PIBF1: variants seen among roughly 807,000 people sequenced by gnomAD.
PIBF1 encodes the protein progesterone-induced-blocking factor 1.
Under a neutral mutation model 112.5 loss-of-function variants are expected in PIBF1, and 90 were observed. The observed-to-expected ratio is 0.80, with a 90% CI of 0.67 to 0.95. PIBF1 has a LOEUF of 0.95. Among genes scored for constraint, PIBF1 ranks in the 40% least tolerant of loss-of-function variants. The pLI, the probability that PIBF1 is intolerant of heterozygous loss-of-function variation, is 0.00. For synonymous variants in PIBF1, 301 were observed against 288.6 expected, an observed-to-expected ratio of 1.04 and a Z score of -0.44; for missense variants, 915 against 852.3, an observed-to-expected ratio of 1.07 and a Z score of -0.92.
chr13:72,827,237 AATTTT>A, intron 7 of PIBF1, 119 bp downstream of exon 7: 2 of 384,442 alleles, frequency 5.2e-6, no homozygotes, highest in South Asian at 6.7e-5. Context: ...CAAAAAGATA[AATTTT>A]TTTTTTTTTT....
At chr13:72,827,238 ATTTTTTTTT>A (rs35211035) in intron 7 of PIBF1, 120 bp downstream of exon 7, 35 of 141,888 alleles carry the variant, frequency 2.5e-4, no homozygotes, top group Middle Eastern at 3.0e-3. Flanking sequence ...AAAAAGATAA[ATTTTTTTTT>A]TTTTTTTTTT....
At chr13:72,991,868 G>A (rs543145378) in intron 16 of PIBF1, among the ~76,000 whole-genome samples, 6 of 152,156 alleles carry the variant, frequency 3.9e-5, no homozygotes, top group Admixed American at 2.0e-4. Flanking sequence ...ACAGGCGCCC[G>A]CCACCTCGCC....
chr13:72,877,312 TA>T (rs1360914859), intron 10 of PIBF1, among the ~76,000 whole-genome samples: 1 of 152,212 alleles, frequency 6.6e-6, no homozygotes, highest in Non-Finnish European at 1.5e-5. Context: ...TTTGCATCTA[TA>T]TTAATGAGAG....
At chr13:72,783,793 TAC>T (rs1464148592) in intron 2 of PIBF1, 72 bp downstream of exon 2, 19 of 1,268,130 alleles carry the variant, frequency 1.5e-5, no homozygotes, top group Non-Finnish European at 1.8e-5. Flanking sequence ...AAGAATTAAA[TAC>T]ACACATTATC....
At position 72,914,695 on chromosome 13, in the gene PIBF1, CT is replaced by C. The variant is rs2041020766; in HGVS notation, c.1640-2380del. On this transcript the variant is annotated intron_variant, in intron 12 of 17. Coordinates refer to ENST00000326291, the MANE Select transcript of PIBF1 (RefSeq NM_006346.4). ...AACTCCTGGGCTCAAGTGATTCCCCCTGCCTCATCCTCCCAAGTAGCTGAGA... is the reference window on the plus strand; with the variant it reads ...AACTCCTGGGCTCAAGTGATTCCCCCGCCTCATCCTCCCAAGTAGCTGAGA... Among the ~76,000 whole-genome samples the C allele has an allele frequency of 3.3e-5, 5 of 152,164 alleles. No homozygotes were observed. In the South Asian group the frequency reaches 1.0e-3, roughly 32 times the overall value.
intron 5 of PIBF1, among the ~76,000 whole-genome samples, chr13:72,808,311 G>C (rs1354697031): frequency 6.6e-6 from 1 of 151,952 alleles, no homozygotes; most frequent in African/African-American, 2.4e-5. Flanking sequence ...TAAAATTCTT[G>C]TCTGCTAATT....
At chr13:72,928,584 C>T (rs1384126721) in intron 13 of PIBF1, among the ~76,000 whole-genome samples, 1 of 152,218 alleles carries the variant, frequency 6.6e-6, no homozygotes, top group Middle Eastern at 3.4e-3. Context: ...GGATTACAGG[C>T]GCCTGCCACC....
intron 15 of PIBF1, among the ~76,000 whole-genome samples, chr13:72,967,492 A>C (rs981775144): frequency 2.0e-5 from 3 of 152,228 alleles, no homozygotes; most frequent in African/African-American, 7.2e-5. Context: ...AAGAACATGC[A>C]ACATTGTGAT....
At chr13:72,830,202 A>G (rs1852765431) in intron 8 of PIBF1, among the ~76,000 whole-genome samples, 1 of 152,208 alleles carries the variant, frequency 6.6e-6, no homozygotes, top group Non-Finnish European at 1.5e-5. Context: ...TTCTAAATAT[A>G]CAATCATGTC....
At chr13:72,884,814 A>G (rs1301056504) in intron 10 of PIBF1, 1 of 152,176 alleles carries the variant, frequency 6.6e-6, no homozygotes, top group African/African-American at 2.4e-5. Flanking sequence ...TGAACATCCC[A>G]AGATAGAATT....
chr13:72,840,778 G>A (rs1487355213), intron 9 of PIBF1, among the ~76,000 whole-genome samples: 4 of 152,026 alleles, frequency 2.6e-5, no homozygotes, highest in African/African-American at 4.8e-5. Flanking sequence ...TGCCTGCCTC[G>A]GCCTCCCAAA....
rs1403753885 is a variant in PIBF1, at chr13:72,888,866, A to G, written c.1323-4918A>G. 4.6e-5 allele frequency among the ~76,000 whole-genome samples: 7 copies of G among 152,210 alleles called. No individual in the cohort carries two copies. The East Asian group carries it at 1.4e-3, about 29-fold the overall frequency. ...CTTAGATACACAGAAAACTAGTCAC[A>G]GTGATTATCTCTCAAAGGAGAAATG... is the stretch of plus-strand genomic sequence containing the variant. On this transcript the variant is annotated intron_variant, in intron 10 of 17. Coordinates refer to ENST00000326291, the MANE Select transcript of PIBF1 (RefSeq NM_006346.4).
chr13:72,924,459 C>T (rs1289682483), intron 13 of PIBF1, among the ~76,000 whole-genome samples: 7 of 152,236 alleles, frequency 4.6e-5, no homozygotes, highest in African/African-American at 7.2e-5. Flanking sequence ...ACATGTCTCA[C>T]GCCTATAATC....
chr13:72,827,866 A>T lies in PIBF1; in HGVS notation c.1049A>T (p.Glu350Val). The change falls in exon 8 of 18, where the codon GAA (glutamate) becomes GTA (valine). Residue 350 changes from glutamate to valine, a missense_variant. Transcript: ENST00000326291. ...GAAAGACTTCAAGCTCAACTGGAAG[A>T]AAGCAAAAAGGCTAGAGAAGAGATG... ...RLERLQAQLE[E>V]SKKAREEMYE... 6.3e-7 allele frequency: 1 copy of T among 1,591,610 alleles called. No homozygotes were observed. Among genetic ancestry groups the T allele is most frequent in the Non-Finnish European group, 8.6e-7 (1 of 1,168,846 alleles).
chr13:73,015,141 C>T (rs2044348297), intron 17 of PIBF1, among the ~76,000 whole-genome samples: 1 of 151,736 alleles, frequency 6.6e-6, no homozygotes, highest in Non-Finnish European at 1.5e-5. Flanking sequence ...AGGTGCATGC[C>T]ACCATGCCTG....
intron 10 of PIBF1, among the ~76,000 whole-genome samples, chr13:72,869,140 C>A (rs180784636): frequency 6.6e-6 from 1 of 152,274 alleles, no homozygotes; most frequent in Admixed American, 6.5e-5. Context: ...GACTATAATT[C>A]ATGCTGCTAT....
chr13:72,809,863 ACAGGCATGAGC>A (rs923211380), intron 5 of PIBF1, among the ~76,000 whole-genome samples: 17 of 152,198 alleles, frequency 1.1e-4, no homozygotes, highest in Non-Finnish European at 2.4e-4. Flanking sequence ...TGCTGGAATT[ACAGGCATGAGC>A]CACTGCGCTT....
chr13:73,008,426 G>C (rs1339850730), intron 17 of PIBF1, among the ~76,000 whole-genome samples: 1 of 152,128 alleles, frequency 6.6e-6, no homozygotes, highest in South Asian at 2.1e-4. Context: ...ATAGTAGAAA[G>C]GCTTGAATAG....
intron 10 of PIBF1, among the ~76,000 whole-genome samples, chr13:72,866,006 C>T (rs973012332): frequency 1.4e-4 from 21 of 152,204 alleles, no homozygotes; most frequent in Non-Finnish European, 2.9e-5. Flanking sequence ...CATGGCTTTA[C>T]TGTCTCCTAA....
Sources: gnomAD v4.1 joint callset for allele counts (sites outside exome capture counted in the v4.1 genomes callset) on GRCh38, gnomAD v4.1.1 for gene constraint, MANE v1.5 for transcripts, NCBI Gene and HGNC (gene_info 2026-07-23, HGNC 2026-07-21) for gene names.